DDX4: variants seen among roughly 807,000 people sequenced by gnomAD.
The protein encoded by DDX4 is DEAD-box helicase 4, also known as probable ATP-dependent RNA helicase DDX4.
Under a neutral mutation model 100.0 loss-of-function variants are expected in DDX4, and 25 were observed. That is an observed-to-expected ratio of 0.25 (90% CI 0.18 to 0.35). DDX4 has a LOEUF of 0.35. DDX4 is among the 10% of genes least tolerant of loss of function. The pLI is 1.00. For synonymous variants in DDX4, 259 were observed against 275.7 expected (o/e 0.94, Z 0.60); for missense variants, 635 against 882.4 (o/e 0.72, Z 3.55).
chr5:55,742,050 T>C (rs1759006354), intron 2 of DDX4: 1 of 401,066 alleles, frequency 2.5e-6, no homozygotes, highest in Non-Finnish European at 5.1e-6. Context: ...GTCATTGTTC[T>C]AGTATAACAG....
chr5:55,749,982 A>G (rs944855460), intron 3 of DDX4, among the ~76,000 whole-genome samples: 9 of 143,142 alleles, frequency 6.3e-5, no homozygotes, highest in African/African-American at 1.1e-4. Context: ...TTTTATTCAG[A>G]GCAAAAAAAA....
Position 55,760,184 on chromosome 5 carries a change from A to G in DDX4, c.128-16A>G. ...TTGTTTTTATTTGACTTACTTCAAA[A>G]TGTTGTTTGCTTTAGAAATGGATGA... On this transcript the variant is annotated splice_polypyrimidine_tract_variant and intron_variant, in intron 3 of 21. Coordinates refer to ENST00000505374, the MANE Select transcript of DDX4 (RefSeq NM_024415.3). The G allele has an allele frequency of 6.4e-7, 1 of 1,567,684 alleles. No individual in the cohort carries two copies. The highest frequency in any genetic ancestry group is 8.6e-7 in the Non-Finnish European group (1 of 1,162,022).
At chr5:55,778,284 T>C (rs982491646) in intron 7 of DDX4, among the ~76,000 whole-genome samples, 2 of 152,106 alleles carry the variant, frequency 1.3e-5, no homozygotes, top group African/African-American at 4.8e-5. Flanking sequence ...TTTGAGGATA[T>C]AGTTAAAGCA....
At chr5:55,780,937 A>G in intron 8 of DDX4, 129 bp from the exon 9 acceptor site, 2 of 656,208 alleles carry the variant, frequency 3.0e-6, no homozygotes, top group Non-Finnish European at 5.0e-6. Flanking sequence ...GTTTAATAGG[A>G]CAGTATTTTT....
At chr5:55,792,545 TTTTCTTAACAGTA>T (rs1189767470) in intron 16 of DDX4, 83 bp from the exon 17 acceptor site, 924 of 649,944 alleles carry the variant, frequency 1.4e-3, no homozygotes, top group Middle Eastern at 3.1e-3. Flanking sequence ...ATTTTTTTTT[TTTTCTTAACAGTA>T]TTTTAACAGT....
chr5:55,816,765 C>A lies in DDX4; in HGVS notation c.*225C>A. The A allele has an allele frequency of 1.5e-6, 1 of 646,308 alleles. No individual in the cohort carries two copies. The highest frequency in any genetic ancestry group is 2.3e-6 in the Non-Finnish European group (1 of 427,936). 40.0% of individuals were successfully genotyped at this position (646,308 alleles called of 1,614,324 possible). The stretch of plus-strand genomic sequence containing the variant: ...ATGGTGTTAACTGGGAATATTAAAG[C>A]ATTCTAAATGTCTTTCTTATTTCTG... On this transcript the variant is annotated 3_prime_UTR_variant, in exon 22 of 22. Coordinates refer to ENST00000505374, the MANE Select transcript of DDX4 (RefSeq NM_024415.3).
intron 16 of DDX4, among the ~76,000 whole-genome samples, chr5:55,791,945 A>G (rs982250438): frequency 2.6e-5 from 4 of 151,916 alleles, no homozygotes; most frequent in Admixed American, 2.6e-4. Context: ...CCCCGTCTCT[A>G]CTAAAAACAC....
At chr5:55,767,527 A>G (rs2111857202) in intron 6 of DDX4, among the ~76,000 whole-genome samples, 1 of 152,328 alleles carries the variant, frequency 6.6e-6, no homozygotes, top group East Asian at 1.9e-4. Flanking sequence ...GAACCACTTG[A>G]TTACTTAATA....
Position 55,813,579 on chromosome 5 carries a change from A to G in DDX4, c.1616-94A>G, listed in dbSNP as rs1485750418. On this transcript the variant is annotated intron_variant, in intron 18 of 21. Coordinates refer to ENST00000505374, the MANE Select transcript of DDX4 (RefSeq NM_024415.3). ...GCTGGTAGTAAATACAGTGGTGGAC[A>G]AAGTTTCATATTCAAGCACTGCCTC... 28 of 1,419,868 alleles carry G rather than the reference A, an allele frequency of 2.0e-5. No homozygotes were observed. In the South Asian group the frequency reaches 4.8e-4, roughly 24 times the overall value. 88.0% of individuals were successfully genotyped at this position (1,419,868 alleles called of 1,614,324 possible).
At chr5:55,798,272 A>G (rs959928922) in intron 17 of DDX4, among the ~76,000 whole-genome samples, 154 bp from the exon 18 acceptor site, 4 of 152,200 alleles carry the variant, frequency 2.6e-5, no homozygotes, top group African/African-American at 9.6e-5. Flanking sequence ...ATCTTTCACA[A>G]TAGTACTTGG....
intron 2 of DDX4, among the ~76,000 whole-genome samples, chr5:55,744,986 T>G (rs908688247): frequency 3.9e-5 from 6 of 152,226 alleles, no homozygotes; most frequent in Admixed American, 1.3e-4. Context: ...GTTCAAGCGA[T>G]TCTTCTGCCT....
intron 18 of DDX4, among the ~76,000 whole-genome samples, chr5:55,805,823 A>G (rs1326382382): frequency 6.6e-6 from 1 of 152,164 alleles, no homozygotes; most frequent in Non-Finnish European, 1.5e-5. Flanking sequence ...TGGTATCAGG[A>G]AGATGCTGGC....
chr5:55,786,444 C>T (rs184515502), intron 13 of DDX4, 74 bp from the exon 14 acceptor site: 105 of 1,211,296 alleles, frequency 8.7e-5, no homozygotes, highest in African/African-American at 4.3e-4. Flanking sequence ...GAAAGTAGCT[C>T]GAATGAAATA....
intron 6 of DDX4, among the ~76,000 whole-genome samples, chr5:55,764,325 A>G (rs976342677): frequency 1.3e-5 from 2 of 152,142 alleles, no homozygotes; most frequent in Non-Finnish European, 2.9e-5. Flanking sequence ...GAAAATGGGG[A>G]TAGATAATAA....
At chr5:55,810,464 C>A (rs1347371965) in intron 18 of DDX4, among the ~76,000 whole-genome samples, 1 of 152,134 alleles carries the variant, frequency 6.6e-6, no homozygotes, top group Non-Finnish European at 1.5e-5. Context: ...ATCACTTGAT[C>A]ATCCCTAATC....
intron 2 of DDX4, among the ~76,000 whole-genome samples, chr5:55,743,666 G>T (rs1036779432): frequency 2.0e-5 from 3 of 152,198 alleles, no homozygotes; most frequent in African/African-American, 4.8e-5. Context: ...CTGACCTCAG[G>T]TGATCTGGCT....
In DDX4 at chr5:55,765,405, AAAAAAAAAATAT is replaced by A. The variant is rs59439842; in HGVS notation, c.334+1343_334+1354del. On this transcript the variant is annotated intron_variant, in intron 6 of 21. Transcript: ENST00000505374. ...CGTTTTTAGTTCCCCTAAAAAAAAAAAAAAAAAAATATATATATATATATATATATATGGATT... is the reference window on the plus strand; with the variant it reads ...CGTTTTTAGTTCCCCTAAAAAAAAAAATATATATATATATATATATGGATT... Among the ~76,000 whole-genome samples the A allele has an allele frequency of 4.0e-3, 405 of 100,304 alleles. 5 individuals carry two copies. Among genetic ancestry groups the A allele is most frequent in the African/African-American group, 0.016 (384 of 24,436 alleles). The allele number at this position is 100,304 out of a possible 152,430, so 65.8% of individuals were successfully genotyped here. A position where few individuals can be genotyped will look rare whatever the true frequency, so the allele number is the denominator to read the frequency against.
At chr5:55,793,097 G>T (rs530107092) in intron 17 of DDX4, among the ~76,000 whole-genome samples, 74 of 151,240 alleles carry the variant, frequency 4.9e-4, no homozygotes, top group Non-Finnish European at 4.4e-5. Context: ...TCCAGCTAGG[G>T]TTTAATAAGT....
At chr5:55,745,643 G>C (rs367816374) in intron 2 of DDX4, among the ~76,000 whole-genome samples, 2 of 151,906 alleles carry the variant, frequency 1.3e-5, no homozygotes, top group East Asian at 1.9e-4. Flanking sequence ...GGCTGGTCTT[G>C]AACTCCTGGG....
Sources: allele counts gnomAD v4.1 joint callset (sites outside exome capture counted in the v4.1 genomes callset), GRCh38; gene constraint gnomAD v4.1.1; transcripts MANE v1.5; gene names NCBI Gene and HGNC (gene_info 2026-07-23, HGNC 2026-07-21).